MSRA: variants seen among roughly 807,000 people sequenced by gnomAD.
The protein encoded by MSRA is methionine sulfoxide reductase A, also known as mitochondrial peptide methionine sulfoxide reductase.
A neutral mutation model predicts 31.3 loss-of-function variants in MSRA; 54 were observed. The observed-to-expected ratio is 1.73, with a 90% CI of 1.39 to 2.17. MSRA has a LOEUF of 2.17. Among genes scored for constraint, MSRA ranks in the 30% most tolerant of loss-of-function variants. The probability of loss-of-function intolerance (pLI) is 0.00; values close to 1 mark genes in which losing one functional copy is unlikely to be tolerated. For missense variants in MSRA, 507 were observed against 300.9 expected (o/e 1.69, Z -5.07); for synonymous variants, 169 against 116.5 (o/e 1.45, Z -2.90).
At chr8:10,330,253 A>G (rs73536222) in intron 5 of MSRA, among the ~76,000 whole-genome samples, 12,808 of 151,882 alleles carry the variant, frequency 0.084, 581 homozygotes, top group South Asian at 0.15. Context: ...TAGTGACCCA[A>G]TATACATTAT....
intron 3 of MSRA, among the ~76,000 whole-genome samples, chr8:10,254,738 C>T (rs1798090072): frequency 6.6e-6 from 1 of 152,236 alleles, no homozygotes. Context: ...AGACTGTCTC[C>T]TTCTAAGCCT....
At chr8:10,409,242 A>G (rs1344014139) in intron 5 of MSRA, among the ~76,000 whole-genome samples, 1 of 151,966 alleles carries the variant, frequency 6.6e-6, no homozygotes, top group Non-Finnish European at 1.5e-5. Flanking sequence ...TATTTTTTTG[A>G]CTTTTTAATA....
intron 2 of MSRA, among the ~76,000 whole-genome samples, chr8:10,233,245 A>G (rs942058667): frequency 6.6e-6 from 1 of 152,176 alleles, no homozygotes; most frequent in Non-Finnish European, 1.5e-5. Context: ...TGTAGGTACA[A>G]CTTGAAAGTG....
chr8:10,200,710 C>T (rs1808416911), intron 1 of MSRA, among the ~76,000 whole-genome samples: 1 of 152,120 alleles, frequency 6.6e-6, no homozygotes, highest in African/African-American at 2.4e-5. Flanking sequence ...CTATTGGGGG[C>T]AAAACCCACT....
At chr8:10,156,210 C>A (rs967321927) in intron 1 of MSRA, among the ~76,000 whole-genome samples, 1 of 152,082 alleles carries the variant, frequency 6.6e-6, no homozygotes, top group Non-Finnish European at 1.5e-5. Context: ...GATTCCATAT[C>A]GAAACAAACA....
intron 1 of MSRA, among the ~76,000 whole-genome samples, chr8:10,142,656 C>T (rs2129031854): frequency 6.6e-6 from 1 of 152,278 alleles, no homozygotes; most frequent in African/African-American, 2.4e-5. Context: ...ACAACTCTGA[C>T]TTCTGTTTGT....
rs28402199 is a variant in MSRA, at chr8:10,100,313, G to C, written c.142+45655G>C. ...AGTCAGGAGCATTGTGTATAGTTCTGTGTCCAAGGCGGTGAGGGGCTGGAA... is the reference window on the plus strand; with the variant it reads ...AGTCAGGAGCATTGTGTATAGTTCTCTGTCCAAGGCGGTGAGGGGCTGGAA... On this transcript the variant is annotated intron_variant, in intron 1 of 5. Transcript: ENST00000317173. Among the ~76,000 whole-genome samples, 35 of 152,112 alleles carry C rather than the reference G, an allele frequency of 2.3e-4. 1 individual carries two copies. Among genetic ancestry groups the C allele is most frequent in the African/African-American group, 8.2e-4 (34 of 41,416 alleles).
At chr8:10,406,833 C>A (rs899062068) in intron 5 of MSRA, among the ~76,000 whole-genome samples, 2 of 152,178 alleles carry the variant, frequency 1.3e-5, no homozygotes, top group African/African-American at 4.8e-5. Context: ...CTAGGATGGC[C>A]CTGAGTCTTG....
At chr8:10,117,863 T>C (rs1800799570) in intron 1 of MSRA, among the ~76,000 whole-genome samples, 1 of 152,200 alleles carries the variant, frequency 6.6e-6, no homozygotes, top group East Asian at 1.9e-4. Context: ...CTGATTACTG[T>C]GATGAAGAAA....
chr8:10,394,445 A>G (rs1459060922), intron 5 of MSRA, among the ~76,000 whole-genome samples: 1 of 152,236 alleles, frequency 6.6e-6, no homozygotes, highest in Non-Finnish European at 1.5e-5. Flanking sequence ...TCTGCTTATC[A>G]CAATAGGATT....
At chr8:10,111,622 C>T (rs1225325464) in intron 1 of MSRA, among the ~76,000 whole-genome samples, 2 of 152,034 alleles carry the variant, frequency 1.3e-5, no homozygotes, top group Admixed American at 1.3e-4. Context: ...TATATGAATG[C>T]CTAGGTATTT....
chr8:10,276,762 T>G (rs1799343483), intron 3 of MSRA, among the ~76,000 whole-genome samples: 1 of 152,206 alleles, frequency 6.6e-6, no homozygotes, highest in Non-Finnish European at 1.5e-5. Context: ...GATCTGCTTG[T>G]TATTCTTAAT....
chr8:10,115,607 AG>A (rs1402432070), intron 1 of MSRA, among the ~76,000 whole-genome samples: 1 of 152,166 alleles, frequency 6.6e-6, no homozygotes, highest in East Asian at 1.9e-4. Flanking sequence ...TTTGATGGAG[AG>A]AGTGGTCAGA....
At chr8:10,179,975 G>A (rs1363330713) in intron 1 of MSRA, among the ~76,000 whole-genome samples, 3 of 152,114 alleles carry the variant, frequency 2.0e-5, no homozygotes, top group Non-Finnish European at 4.4e-5. Context: ...TCCACACCAA[G>A]CCATTCTCCA....
chr8:10,161,233 G>C (rs1392697479), intron 1 of MSRA, among the ~76,000 whole-genome samples: 1 of 152,162 alleles, frequency 6.6e-6, no homozygotes, highest in Non-Finnish European at 1.5e-5. Flanking sequence ...TCAGAGCATT[G>C]CTGAGAATAT....
chr8:10,082,019 A>C (rs1798320071), intron 1 of MSRA, among the ~76,000 whole-genome samples: 1 of 152,072 alleles, frequency 6.6e-6, no homozygotes, highest in Non-Finnish European at 1.5e-5. Context: ...CTGGACAACA[A>C]AGTGAGACCC....
At chr8:10,197,295 G>A (rs1369179329) in intron 1 of MSRA, among the ~76,000 whole-genome samples, 2 of 152,124 alleles carry the variant, frequency 1.3e-5, no homozygotes, top group African/African-American at 4.8e-5. Flanking sequence ...CTTAAATGTG[G>A]CAATTAATAA....
chr8:10,155,183 T>A (rs1267785541), intron 1 of MSRA, among the ~76,000 whole-genome samples: 4 of 152,134 alleles, frequency 2.6e-5, no homozygotes, highest in Admixed American at 6.5e-5. Context: ...TGAACTTTTT[T>A]AAGTAGGCTT....
At chr8:10,249,830 C>A (rs77373304) in intron 3 of MSRA, among the ~76,000 whole-genome samples, 5,390 of 152,284 alleles carry the variant, frequency 0.035, 130 homozygotes, top group East Asian at 0.076. Context: ...ATTTCTGTTT[C>A]CTACAAGCTC....
Sources: gnomAD v4.1 joint callset for allele counts (sites outside exome capture counted in the v4.1 genomes callset) on GRCh38, gnomAD v4.1.1 for gene constraint, MANE v1.5 for transcripts, NCBI Gene and HGNC (gene_info 2026-07-23, HGNC 2026-07-21) for gene names.